Variants in DOCK1 observed in about 807,000 individuals in gnomAD.
The protein encoded by DOCK1 is dedicator of cytokinesis 1.
Under a neutral mutation model 262.7 loss-of-function variants are expected in DOCK1, and 138 were observed. The observed-to-expected ratio is 0.53, with a 90% CI of 0.46 to 0.61. The LOEUF (loss-of-function observed/expected upper bound fraction) is 0.61. Ranked by LOEUF, DOCK1 falls within the 20% of genes least tolerant of loss-of-function variation. The probability of loss-of-function intolerance (pLI) is 0.00; values close to 1 mark genes in which losing one functional copy is unlikely to be tolerated. For synonymous variants in DOCK1, 866 were observed against 867.4 expected (o/e 1.00, Z 0.03); for missense variants, 1,908 against 2,370.7 (o/e 0.80, Z 4.05).
intron 32 of DOCK1, 79 bp downstream of exon 32, chr10:127,354,806 T>G (rs2064060427): frequency 3.2e-6 from 5 of 1,552,532 alleles, no homozygotes; most frequent in Non-Finnish European, 4.4e-6. Flanking sequence ...TTCATCAGTG[T>G]TGGGATGTCT....
At chr10:127,221,609 C>T (rs1564913780) in intron 27 of DOCK1, among the ~76,000 whole-genome samples, 1 of 152,112 alleles carries the variant, frequency 6.6e-6, no homozygotes, top group Admixed American at 6.5e-5. Context: ...CTCCAGGGCT[C>T]ATAATACATG....
chr10:127,019,267 C>G (rs2042237022), intron 13 of DOCK1, among the ~76,000 whole-genome samples: 1 of 152,198 alleles, frequency 6.6e-6, no homozygotes, highest in South Asian at 2.1e-4. Flanking sequence ...TCCATGAATT[C>G]TAAGTCATGA....
chr10:127,248,817 C>T (rs977528842), intron 28 of DOCK1, among the ~76,000 whole-genome samples: 3 of 152,180 alleles, frequency 2.0e-5, no homozygotes, highest in Non-Finnish European at 4.4e-5. Flanking sequence ...GGCCACACAG[C>T]AGGAGGTGAG....
At chr10:127,015,619 C>T (rs1013640848) in intron 12 of DOCK1, among the ~76,000 whole-genome samples, 3 of 152,118 alleles carry the variant, frequency 2.0e-5, no homozygotes, top group Non-Finnish European at 2.9e-5. Flanking sequence ...CAAGGGGCAC[C>T]GTCTCTGTAA....
At chr10:127,018,915 T>C (rs980321341) in intron 13 of DOCK1, 80 bp downstream of exon 13, 2 of 1,570,810 alleles carry the variant, frequency 1.3e-6, no homozygotes, top group African/African-American at 1.4e-5. Context: ...GGCAGCATCA[T>C]GTATGAGCTC....
At chr10:127,085,578 T>G (rs555207282) in intron 23 of DOCK1, among the ~76,000 whole-genome samples, 3 of 152,196 alleles carry the variant, frequency 2.0e-5, no homozygotes, top group Admixed American at 2.0e-4. Flanking sequence ...GCTAACATAG[T>G]GAAACCCCAT....
chr10:127,120,024 A>T (rs12268366), intron 25 of DOCK1, among the ~76,000 whole-genome samples: 20,606 of 152,232 alleles, frequency 0.14, 1,615 homozygotes, highest in African/African-American at 0.2. Flanking sequence ...ATCATTGTGG[A>T]TCACACTGGG....
rs772390566 is a variant in DOCK1, at chr10:127,374,069, A to G, written c.3530A>G (p.His1177Arg). The change falls in exon 35 of 52, where the codon CAC (histidine) becomes CGC (arginine). Residue 1177 changes from histidine (H) to arginine (R), a missense_variant. Coordinates refer to ENST00000623213, the MANE Select transcript of DOCK1 (RefSeq NM_001290223.2). ...KVLFDKILLE[H>R]CRKHKYLAKT... ...TAATTATTTTTCAGCCTTCTGGAAC[A>G]CTGCAGGAAGCACAAATACCTCGCC... 3.7e-6 allele frequency: 6 copies of G among 1,610,344 alleles called. No homozygotes were observed. The South Asian group carries it at 6.7e-5, about 18-fold the overall frequency.
At chr10:127,027,203 C>T (rs2042926104) in intron 16 of DOCK1, among the ~76,000 whole-genome samples, 2 of 152,228 alleles carry the variant, frequency 1.3e-5, no homozygotes, top group African/African-American at 4.8e-5. Context: ...TCACTGATGA[C>T]CCCGTGGGGG....
chr10:127,203,239 C>T lies in DOCK1; in HGVS notation c.2848-44769C>T, dbSNP rs187884645. Among the ~76,000 whole-genome samples the T allele has an allele frequency of 4.0e-3, 604 of 152,278 alleles. 5 individuals are homozygous for T. The highest frequency in any genetic ancestry group is 0.014 in the African/African-American group (568 of 41,554). ...CTTCTGGTGCCATGTATAATGGCAT[C>T]GTATTACCATGGCCTTTTGATTATC... On this transcript the variant is annotated intron_variant, in intron 27 of 51. Coordinates refer to ENST00000623213, the MANE Select transcript of DOCK1 (RefSeq NM_001290223.2).
intron 32 of DOCK1, among the ~76,000 whole-genome samples, chr10:127,361,073 C>T (rs1001085474): frequency 1.4e-5 from 2 of 145,766 alleles, no homozygotes; most frequent in East Asian, 2.0e-4. Context: ...ATATCTGGAA[C>T]AAGATAGGTG....
At chr10:127,236,525 T>TG (rs71032543) in intron 27 of DOCK1, among the ~76,000 whole-genome samples, 2 of 128,912 alleles carry the variant, frequency 1.6e-5, no homozygotes, top group African/African-American at 2.9e-5. Flanking sequence ...TTTTTTTTTT[T>TG]GAAATCAGTT....
At chr10:127,375,981 A>G (rs2065463518) in intron 35 of DOCK1, among the ~76,000 whole-genome samples, 1 of 152,166 alleles carries the variant, frequency 6.6e-6, no homozygotes, top group Non-Finnish European at 1.5e-5. Context: ...AGAAACCACC[A>G]CTGGAGCCAG....
At chr10:127,243,775 CA>C (rs979923846) in intron 27 of DOCK1, among the ~76,000 whole-genome samples, 2 of 152,094 alleles carry the variant, frequency 1.3e-5, no homozygotes, top group African/African-American at 4.8e-5. Flanking sequence ...GGAACTAGAT[CA>C]GGGGCAGGCA....
At chr10:127,271,424 T>C (rs932465383) in intron 29 of DOCK1, among the ~76,000 whole-genome samples, 7 of 152,222 alleles carry the variant, frequency 4.6e-5, no homozygotes, top group Admixed American at 4.6e-4. Flanking sequence ...GACTGTGATA[T>C]ACTTAAATTT....
Position 126,960,842 on chromosome 10 carries a change from A to G in DOCK1, c.47-9860A>G, listed in dbSNP as rs2037157550. Among the ~76,000 whole-genome samples, 3 of 150,980 alleles carry G rather than the reference A, an allele frequency of 2.0e-5. No homozygotes were observed. In the East Asian group the frequency reaches 5.9e-4, roughly 30 times the overall value. ...TATACGTGTGTATATCTATACGTAT[A>G]GATATATACATGTAGATATGAACCC... On this transcript the variant is annotated intron_variant, in intron 1 of 51. Transcript: ENST00000623213.
At chr10:127,389,630 G>T (rs544701839) in intron 38 of DOCK1, among the ~76,000 whole-genome samples, 1 of 152,250 alleles carries the variant, frequency 6.6e-6, no homozygotes, top group East Asian at 1.9e-4. Context: ...GTGGGGCCTG[G>T]TGGGAGGTGA....
chr10:127,441,675 G>A lies in DOCK1; in HGVS notation c.5259+2450G>A, dbSNP rs553800055. ...GAACAGAAGCAGCAACCCATTCCCT[G>A]GGGACAACACCAGCCACCCCCCCAC... On this transcript the variant is annotated intron_variant, in intron 49 of 51. Transcript: ENST00000623213. Among the ~76,000 whole-genome samples the A allele has an allele frequency of 4.4e-4, 67 of 152,040 alleles. 3 individuals carry two copies. The South Asian group carries it at 0.013, about 29-fold the overall frequency.
At chr10:127,257,643 G>C (rs2059874320) in intron 29 of DOCK1, 1 of 407,248 alleles carries the variant, frequency 2.5e-6, no homozygotes, top group Admixed American at 3.5e-5. Flanking sequence ...CTAAGAACTT[G>C]AGCTCCGTCC....
Sources: allele counts gnomAD v4.1 joint callset (sites outside exome capture counted in the v4.1 genomes callset), GRCh38; gene constraint gnomAD v4.1.1; transcripts MANE v1.5; gene names NCBI Gene and HGNC (gene_info 2026-07-23, HGNC 2026-07-21).